PIBF1: variants seen among roughly 807,000 people sequenced by gnomAD.
PIBF1 encodes the protein progesterone immunomodulatory binding factor 1, also known as progesterone-induced-blocking factor 1.
In PIBF1, 90 loss-of-function variants were observed where a neutral mutation model predicts 112.5. The ratio of observed to expected loss-of-function variants is 0.80; its 90% CI spans 0.67 to 0.95. PIBF1 has a LOEUF of 0.95. Among genes scored for constraint, PIBF1 ranks in the 40% least tolerant of loss-of-function variants. The pLI is 0.00. For missense variants in PIBF1, 915 were observed against 852.3 expected, an observed-to-expected ratio of 1.07 and a Z score of -0.92; for synonymous variants, 301 against 288.6, an observed-to-expected ratio of 1.04 and a Z score of -0.44.
intron 14 of PIBF1, among the ~76,000 whole-genome samples, chr13:72,943,131 T>C (rs1289883625): frequency 6.6e-6 from 1 of 152,180 alleles, no homozygotes; most frequent in Non-Finnish European, 1.5e-5. Context: ...GCAAGTGAAC[T>C]TTAATTCATC....
chr13:72,858,711 TTG>T (rs1386444135), intron 10 of PIBF1, among the ~76,000 whole-genome samples: 1 of 152,198 alleles, frequency 6.6e-6, no homozygotes, highest in Non-Finnish European at 1.5e-5. Context: ...TTTTTCTTTT[TTG>T]TGTGTTTTTA....
chr13:72,835,100 CTT>C (rs2037296138), intron 8 of PIBF1, 141 bp from the exon 9 acceptor site: 2 of 427,448 alleles, frequency 4.7e-6, no homozygotes, highest in Non-Finnish European at 8.2e-6. Context: ...AATTATAAAA[CTT>C]TATACTATTA....
chr13:72,867,014 C>G (rs924175540), intron 10 of PIBF1, among the ~76,000 whole-genome samples: 5 of 152,202 alleles, frequency 3.3e-5, no homozygotes, highest in Non-Finnish European at 7.3e-5. Flanking sequence ...ATATATAAGT[C>G]TGTGCTTCAT....
chr13:72,793,676 T>C (rs2035048344), intron 3 of PIBF1, among the ~76,000 whole-genome samples: 1 of 152,198 alleles, frequency 6.6e-6, no homozygotes, highest in African/African-American at 2.4e-5. Flanking sequence ...CTGATGGTCA[T>C]AAAAAATGGT....
At chr13:72,923,653 T>G (rs2041374750) in intron 13 of PIBF1, among the ~76,000 whole-genome samples, 1 of 152,184 alleles carries the variant, frequency 6.6e-6, no homozygotes, top group African/African-American at 2.4e-5. Context: ...TGACCATGTT[T>G]ATAGTTATTC....
Position 72,904,293 on chromosome 13 carries a change from CAG to C in PIBF1, c.1489-4236_1489-4235del, listed in dbSNP as rs2040602967. Among the ~76,000 whole-genome samples the C allele has an allele frequency of 2.0e-5, 3 of 151,812 alleles. No homozygotes were observed. The South Asian group carries it at 6.2e-4, about 32-fold the overall frequency. On this transcript the variant is annotated intron_variant, in intron 11 of 17. Coordinates refer to ENST00000326291, the MANE Select transcript of PIBF1 (RefSeq NM_006346.4). ...TTAGAAGCCTTTCTCAATTGAAAATCAGATATTAAAGTAGTTTCCCCCAAATT... is the reference window on the plus strand; with the variant it reads ...TTAGAAGCCTTTCTCAATTGAAAATCATATTAAAGTAGTTTCCCCCAAATT...
chr13:72,985,082 C>T (rs1303895333), intron 16 of PIBF1, among the ~76,000 whole-genome samples: 1 of 152,054 alleles, frequency 6.6e-6, no homozygotes, highest in Non-Finnish European at 1.5e-5. Flanking sequence ...AATGACTTCT[C>T]TTGCTATCAT....
chr13:72,870,724 T>C (rs533511222), intron 10 of PIBF1, among the ~76,000 whole-genome samples: 2 of 151,428 alleles, frequency 1.3e-5, no homozygotes, highest in African/African-American at 4.9e-5. Context: ...GAAGAGGTGG[T>C]ACATGAAACA....
chr13:72,987,296 T>A (rs1186547517), intron 16 of PIBF1, among the ~76,000 whole-genome samples: 4 of 147,880 alleles, frequency 2.7e-5, no homozygotes, highest in Admixed American at 6.8e-5. Flanking sequence ...ACATCCTGTT[T>A]TGTTGTTCTA....
chr13:72,880,679 A>G (rs2039589464), intron 10 of PIBF1, among the ~76,000 whole-genome samples: 1 of 152,212 alleles, frequency 6.6e-6, no homozygotes, highest in Non-Finnish European at 1.5e-5. Flanking sequence ...TCTAAAATAA[A>G]ATTTGAAACT....
chr13:72,801,500 A>G (rs937881132), intron 5 of PIBF1, among the ~76,000 whole-genome samples: 1 of 152,186 alleles, frequency 6.6e-6, no homozygotes. Flanking sequence ...GCATACACAG[A>G]CCTTACATGG....
intron 13 of PIBF1, 86 bp downstream of exon 13, chr13:72,917,252 T>C: frequency 1.5e-6 from 1 of 681,754 alleles, no homozygotes; most frequent in East Asian, 3.2e-5. Context: ...CTGAGTTCAG[T>C]GACAAAGTCC....
chr13:72,947,789 A>T (rs2042189306), intron 14 of PIBF1, among the ~76,000 whole-genome samples: 1 of 152,210 alleles, frequency 6.6e-6, no homozygotes, highest in Admixed American at 6.5e-5. Flanking sequence ...GTGTACGCAT[A>T]TATTTATTGC....
intron 13 of PIBF1, 24 bp from the exon 14 acceptor site, chr13:72,931,141 A>C: frequency 1.4e-6 from 2 of 1,430,812 alleles, no homozygotes. Context: ...TTTAAGCATT[A>C]ATTTTCTTAT....
intron 5 of PIBF1, among the ~76,000 whole-genome samples, chr13:72,799,937 G>A (rs1187099649): frequency 6.6e-6 from 1 of 152,116 alleles, no homozygotes; most frequent in East Asian, 1.9e-4. Context: ...AGAGTTTGTG[G>A]TTTTTCTGCC....
At chr13:72,795,129 T>C (rs1190404495) in intron 3 of PIBF1, among the ~76,000 whole-genome samples, 3 of 152,202 alleles carry the variant, frequency 2.0e-5, no homozygotes, top group Admixed American at 1.3e-4. Context: ...TTTAAGAATA[T>C]CAATTCTCTG....
At chr13:72,917,042 G>C (rs781750047) in intron 12 of PIBF1, 34 bp from the exon 13 acceptor site, 1 of 1,332,594 alleles carries the variant, frequency 7.5e-7, no homozygotes, top group Non-Finnish European at 1.0e-6. Flanking sequence ...GAAAAATAAA[G>C]TTATTTCACA....
intron 3 of PIBF1, among the ~76,000 whole-genome samples, chr13:72,794,334 G>A (rs1177570189): frequency 6.6e-6 from 1 of 152,112 alleles, no homozygotes; most frequent in Non-Finnish European, 1.5e-5. Context: ...TGCTCCAAAG[G>A]GGTGGCTAAC....
chr13:72,928,974 A>G (rs192332859), intron 13 of PIBF1, among the ~76,000 whole-genome samples: 6 of 152,194 alleles, frequency 3.9e-5, no homozygotes, highest in African/African-American at 1.4e-4. Context: ...CATTTCATTC[A>G]TTTGTAACTC....
Sources: allele counts gnomAD v4.1 joint callset (sites outside exome capture counted in the v4.1 genomes callset), GRCh38; gene constraint gnomAD v4.1.1; transcripts MANE v1.5; gene names NCBI Gene and HGNC (gene_info 2026-07-23, HGNC 2026-07-21).